Variants in MAGI3 observed in about 807,000 individuals in gnomAD.
The protein encoded by MAGI3 is membrane associated guanylate kinase, WW and PDZ domain containing 3, also known as membrane-associated guanylate kinase, WW and PDZ domain-containing protein 3.
In MAGI3, 43 loss-of-function variants were observed where a neutral mutation model predicts 121.8. The observed-to-expected ratio is 0.35, with a 90% CI of 0.28 to 0.46. The LOEUF is 0.46. Among genes scored for constraint, MAGI3 ranks in the 20% least tolerant of loss-of-function variants. The probability of loss-of-function intolerance (pLI) is 1.00; values close to 1 mark genes in which losing one functional copy is unlikely to be tolerated. For synonymous variants in MAGI3, 553 were observed against 639.3 expected (o/e 0.86, Z 2.04); for missense variants, 1,547 against 1,797.3 (o/e 0.86, Z 2.52).
At chr1:113,570,242 T>G (rs1225648497) in intron 2 of MAGI3, among the ~76,000 whole-genome samples, 1 of 152,202 alleles carries the variant, frequency 6.6e-6, no homozygotes, top group Non-Finnish European at 1.5e-5. Flanking sequence ...TATGGCTGGA[T>G]AGTATTCCAT....
At chr1:113,670,117 G>A (rs1208762143) in intron 16 of MAGI3, among the ~76,000 whole-genome samples, 1 of 151,820 alleles carries the variant, frequency 6.6e-6, no homozygotes, top group African/African-American at 2.4e-5. Context: ...TGGTCCAGAG[G>A]TTGGTTCTGC....
At chr1:113,585,673 AT>A in intron 4 of MAGI3, 77 bp downstream of exon 4, 2 of 1,315,340 alleles carry the variant, frequency 1.5e-6, no homozygotes, top group Non-Finnish European at 2.1e-6. Flanking sequence ...AAGCACTAAA[AT>A]TTTTTACAAA....
At chr1:113,652,959 T>C (rs1386136613) in intron 14 of MAGI3, among the ~76,000 whole-genome samples, 1 of 152,228 alleles carries the variant, frequency 6.6e-6, no homozygotes, top group Admixed American at 6.5e-5. Flanking sequence ...CAGCTTGTTA[T>C]GTGTCCCAGC....
At chr1:113,666,792 C>T (rs12129076) in intron 16 of MAGI3, among the ~76,000 whole-genome samples, 1 of 152,048 alleles carries the variant, frequency 6.6e-6, no homozygotes, top group Non-Finnish European at 1.5e-5. Flanking sequence ...AAATATATTT[C>T]TTAAAATACT....
chr1:113,677,301 A>G (rs1221324856), intron 19 of MAGI3, among the ~76,000 whole-genome samples: 2 of 152,236 alleles, frequency 1.3e-5, no homozygotes, highest in Non-Finnish European at 2.9e-5. Context: ...ATTTTCCTAC[A>G]CAACATGCGT....
At chr1:113,650,927 G>T in intron 13 of MAGI3, 87 bp from the exon 14 acceptor site, 1 of 1,205,814 alleles carries the variant, frequency 8.3e-7, no homozygotes, top group South Asian at 1.3e-5. Context: ...AAAATCTGTT[G>T]GTTTGCACAA....
intron 1 of MAGI3, among the ~76,000 whole-genome samples, chr1:113,519,006 A>G (rs1658056537): frequency 1.3e-5 from 2 of 152,118 alleles, no homozygotes; most frequent in Non-Finnish European, 2.9e-5. Context: ...GTTACTACGA[A>G]CTACACATTA....
At chr1:113,650,574 C>T (rs1301307866) in intron 13 of MAGI3, among the ~76,000 whole-genome samples, 1 of 152,118 alleles carries the variant, frequency 6.6e-6, no homozygotes, top group Admixed American at 6.5e-5. Context: ...GAACTTGTAC[C>T]GTTAGTCATA....
rs759591213 is a variant in MAGI3, at chr1:113,437,806, T to TTTCTTCTTCTTCTTCTTCTTCTTCTTC, written c.316+46488_316+46514dup. Among the ~76,000 whole-genome samples the TTTCTTCTTCTTCTTCTTCTTCTTCTTC allele has an allele frequency of 7.5e-5, 9 of 119,582 alleles. No individual in the cohort carries two copies. The East Asian group carries it at 7.7e-4, about 10-fold the overall frequency. 78.5% of individuals were successfully genotyped at this position (119,582 alleles called of 152,430 possible). ...CTTCTTCTTCCTTCTTCTTTCTTCT[T>TTTCTTCTTCTTCTTCTTCTTCTTCTTC]TTCTTCTTCTTCTTCTTCTTCTTCT... On this transcript the variant is annotated intron_variant, in intron 1 of 20. Transcript: ENST00000307546.
At position 113,683,267 on chromosome 1, in the gene MAGI3, G is replaced by A. The variant is rs779535622; in HGVS notation, c.3699G>A (p.Glu1233=). 6 of 1,612,964 alleles carry A rather than the reference G, an allele frequency of 3.7e-6. No homozygotes were observed. In the Admixed American group the frequency reaches 1.0e-4, roughly 27 times the overall value. Residue 1233 remains glutamate, a synonymous_variant, in exon 21 of 21, where the codon GAG becomes GAA. Coordinates refer to ENST00000307546, the MANE Select transcript of MAGI3 (RefSeq NM_001142782.2). ...SPKKPASQHS[E]EHLDKIPSPL... The stretch of plus-strand genomic sequence containing the variant: ...AAAAGCCAGCCAGTCAACATTCAGA[G>A]GAACATTTGGATAAGATTCCTAGTC...
At chr1:113,654,608 ACAGAATATTCTAATC>A (rs1653369651) in intron 15 of MAGI3, among the ~76,000 whole-genome samples, 1 of 152,220 alleles carries the variant, frequency 6.6e-6, no homozygotes, top group South Asian at 2.1e-4. Context: ...ACCAAGTTTA[ACAGAATATTCTAATC>A]CAGAAGATGA....
intron 1 of MAGI3, among the ~76,000 whole-genome samples, chr1:113,454,734 G>A (rs1654662873): frequency 6.6e-6 from 1 of 152,018 alleles, no homozygotes; most frequent in African/African-American, 2.4e-5. Context: ...TTATGAGTGA[G>A]AACATGCGGT....
At chr1:113,650,212 C>T (rs115849512) in intron 13 of MAGI3, among the ~76,000 whole-genome samples, 136 of 152,164 alleles carry the variant, frequency 8.9e-4, no homozygotes, top group African/African-American at 3.3e-3. Context: ...ATTGGAGACA[C>T]ATAAAGCTTA....
At chr1:113,505,801 G>A (rs1213861443) in intron 1 of MAGI3, among the ~76,000 whole-genome samples, 2 of 152,102 alleles carry the variant, frequency 1.3e-5, no homozygotes, top group African/African-American at 2.4e-5. Context: ...TTGAGGCCTT[G>A]ACTTATTCTA....
intron 1 of MAGI3, among the ~76,000 whole-genome samples, chr1:113,486,516 A>G (rs919034170): frequency 2.0e-5 from 3 of 152,130 alleles, no homozygotes; most frequent in African/African-American, 4.8e-5. Flanking sequence ...TTCTCAGTCA[A>G]GCTGTGAATT....
chr1:113,413,546 A>T (rs748230498), intron 1 of MAGI3, among the ~76,000 whole-genome samples: 20 of 151,858 alleles, frequency 1.3e-4, no homozygotes, highest in Non-Finnish European at 2.1e-4. Context: ...TGTCCTCTTT[A>T]ATTTCATCGA....
At chr1:113,597,748 T>C (rs1306057080) in intron 6 of MAGI3, among the ~76,000 whole-genome samples, 1 of 152,184 alleles carries the variant, frequency 6.6e-6, no homozygotes, top group Non-Finnish European at 1.5e-5. Context: ...GAATTTTGTA[T>C]CCAGCAATAC....
At chr1:113,515,507 G>A (rs1657852586) in intron 1 of MAGI3, among the ~76,000 whole-genome samples, 1 of 151,962 alleles carries the variant, frequency 6.6e-6, no homozygotes, top group Non-Finnish European at 1.5e-5. Context: ...CAAATTCTGT[G>A]CCAGTCAGCA....
chr1:113,602,914 C>T (rs1372320768), intron 6 of MAGI3, among the ~76,000 whole-genome samples: 1 of 151,074 alleles, frequency 6.6e-6, no homozygotes, highest in African/African-American at 2.4e-5. Context: ...CGAAACAGAA[C>T]GAGATTGTCT....
Sources: gnomAD v4.1 joint callset for allele counts (sites outside exome capture counted in the v4.1 genomes callset) on GRCh38, gnomAD v4.1.1 for gene constraint, MANE v1.5 for transcripts, NCBI Gene and HGNC (gene_info 2026-07-23, HGNC 2026-07-21) for gene names.